Variants in CCSER1 observed in about 807,000 individuals in gnomAD.
The protein encoded by CCSER1 is serine-rich coiled-coil domain-containing protein 1.
Under a neutral mutation model 82.0 loss-of-function variants are expected in CCSER1, and 41 were observed. That is an observed-to-expected ratio of 0.50 (90% CI 0.39 to 0.65). CCSER1 has a LOEUF of 0.65. Among genes scored for constraint, CCSER1 ranks in the 30% least tolerant of loss-of-function variants. The pLI, the probability that CCSER1 is intolerant of heterozygous loss-of-function variation, is 0.00. For synonymous variants in CCSER1, 414 were observed against 383.9 expected, an observed-to-expected ratio of 1.08 and a Z score of -0.92; for missense variants, 1,119 against 1,064.2, an observed-to-expected ratio of 1.05 and a Z score of -0.72.
intron 6 of CCSER1, among the ~76,000 whole-genome samples, chr4:90,686,476 A>G (rs745515978): frequency 6.6e-6 from 1 of 151,772 alleles, no homozygotes; most frequent in Non-Finnish European, 1.5e-5. Context: ...TGCTTTATCT[A>G]TGGCTTGAGT....
chr4:91,060,382 A>G (rs993382966), intron 9 of CCSER1, among the ~76,000 whole-genome samples: 2 of 152,020 alleles, frequency 1.3e-5, no homozygotes, highest in Non-Finnish European at 2.9e-5. Context: ...ACATAATTAT[A>G]TTCTTTACCC....
At chr4:90,505,712 C>T (rs2153614052) in intron 5 of CCSER1, among the ~76,000 whole-genome samples, 1 of 152,226 alleles carries the variant, frequency 6.6e-6, no homozygotes, top group East Asian at 1.9e-4. Context: ...TTGTAAACTG[C>T]CTTGGCACTG....
At chr4:90,372,492 G>T (rs1747607531) in intron 3 of CCSER1, among the ~76,000 whole-genome samples, 1 of 152,120 alleles carries the variant, frequency 6.6e-6, no homozygotes, top group African/African-American at 2.4e-5. Flanking sequence ...GCTCAGGCCT[G>T]TAATCCCAGC....
intron 3 of CCSER1, among the ~76,000 whole-genome samples, chr4:90,395,539 T>C (rs1001752388): frequency 6.6e-5 from 10 of 152,180 alleles, no homozygotes; most frequent in African/African-American, 2.4e-4. Flanking sequence ...GTCAACTAGA[T>C]GACTGTTTGG....
chr4:91,571,456 A>G (rs1258577264), intron 10 of CCSER1, among the ~76,000 whole-genome samples: 1 of 152,190 alleles, frequency 6.6e-6, no homozygotes, highest in African/African-American at 2.4e-5. Flanking sequence ...ATTGACTTAC[A>G]GTTTTACATG....
intron 5 of CCSER1, among the ~76,000 whole-genome samples, chr4:90,496,578 G>A (rs1769035713): frequency 6.6e-6 from 1 of 152,114 alleles, no homozygotes; most frequent in Non-Finnish European, 1.5e-5. Flanking sequence ...TTGAATGAAT[G>A]TATTGTTTAT....
At chr4:90,556,775 CA>C (rs1778190854) in intron 5 of CCSER1, among the ~76,000 whole-genome samples, 2 of 151,436 alleles carry the variant, frequency 1.3e-5, no homozygotes, top group South Asian at 2.1e-4. Flanking sequence ...CTTGCTGTCT[CA>C]GGGGTGGCAG....
chr4:91,109,834 G>A (rs1196203168), intron 10 of CCSER1, among the ~76,000 whole-genome samples: 1 of 152,026 alleles, frequency 6.6e-6, no homozygotes, highest in Non-Finnish European at 1.5e-5. Flanking sequence ...GGAGCCCATG[G>A]TTTCACAAAG....
At chr4:91,174,467 T>A (rs1284448709) in intron 10 of CCSER1, among the ~76,000 whole-genome samples, 2 of 152,136 alleles carry the variant, frequency 1.3e-5, no homozygotes, top group Admixed American at 6.5e-5. Context: ...TATTTTACTA[T>A]AAGTTCTGGG....
Position 90,723,894 on chromosome 4 carries a change from C to G in CCSER1, c.1933-20C>G. 1 of 1,361,208 alleles carries G rather than the reference C, an allele frequency of 7.3e-7. No individual in the cohort carries two copies. Among genetic ancestry groups the G allele is most frequent in the Non-Finnish European group, 9.8e-7 (1 of 1,019,964 alleles). 84.3% of individuals were successfully genotyped at this position (1,361,208 alleles called of 1,614,324 possible). On this transcript the variant is annotated intron_variant, in intron 6 of 10. Coordinates refer to ENST00000509176, the MANE Select transcript of CCSER1 (RefSeq NM_001145065.2). ...ACTACAAAACAATCCTAATTAAATTCAATTTCACTGTCCTTGCAGAGTGCA... is the reference window on the plus strand; with the variant it reads ...ACTACAAAACAATCCTAATTAAATTGAATTTCACTGTCCTTGCAGAGTGCA...
chr4:90,276,254 C>CTTTG (rs1560929885), intron 1 of CCSER1, among the ~76,000 whole-genome samples: 137 of 75,660 alleles, frequency 1.8e-3, no homozygotes, highest in African/African-American at 7.2e-3. Context: ...TTCTTTCTTT[C>CTTTG]CTTCCTTCCT....
chr4:91,521,903 T>A (rs562896366), intron 10 of CCSER1, among the ~76,000 whole-genome samples: 1 of 152,316 alleles, frequency 6.6e-6, no homozygotes, highest in African/African-American at 2.4e-5. Flanking sequence ...CATTTGTTAA[T>A]TTTGGCTTTT....
intron 10 of CCSER1, among the ~76,000 whole-genome samples, chr4:91,411,507 T>TATATATATATATATATATATAC (rs1553934202): frequency 1.5e-5 from 1 of 67,300 alleles, no homozygotes; most frequent in African/African-American, 4.8e-5. Context: ...TATATATATA[T>TATATATATATATATATATATAC]ATATATATAT....
At chr4:91,030,575 A>T (rs1312420465) in intron 9 of CCSER1, among the ~76,000 whole-genome samples, 1 of 152,106 alleles carries the variant, frequency 6.6e-6, no homozygotes, top group Non-Finnish European at 1.5e-5. Context: ...TTCTGTGGAA[A>T]ATAAGTGACC....
intron 9 of CCSER1, among the ~76,000 whole-genome samples, chr4:91,048,943 G>C (rs924934994): frequency 6.6e-6 from 1 of 152,242 alleles, no homozygotes. Flanking sequence ...CAAGGGATTA[G>C]ATAAAAACTA....
chr4:90,994,188 ATG>A (rs57868915), intron 9 of CCSER1, among the ~76,000 whole-genome samples: 86,343 of 151,386 alleles, frequency 0.57, 24,894 homozygotes, highest in East Asian at 0.8. Flanking sequence ...CCTAAGCAAC[ATG>A]TAGAGATGGA....
chr4:90,337,047 A>G (rs2153501762), intron 3 of CCSER1, among the ~76,000 whole-genome samples: 2 of 152,320 alleles, frequency 1.3e-5, no homozygotes. Context: ...AGAACTTGCA[A>G]TCAGAATCAA....
intron 3 of CCSER1, among the ~76,000 whole-genome samples, chr4:90,379,514 C>T (rs897450284): frequency 6.6e-6 from 1 of 152,106 alleles, no homozygotes; most frequent in African/African-American, 2.4e-5. Flanking sequence ...GATTGCAATG[C>T]TTTCCCACAT....
At chr4:90,755,880 T>C (rs1749444447) in intron 7 of CCSER1, among the ~76,000 whole-genome samples, 1 of 152,198 alleles carries the variant, frequency 6.6e-6, no homozygotes, top group Non-Finnish European at 1.5e-5. Context: ...AAAGTATATT[T>C]CCTGTTTTAC....
Sources: gnomAD v4.1 joint callset for allele counts (sites outside exome capture counted in the v4.1 genomes callset) on GRCh38, gnomAD v4.1.1 for gene constraint, MANE v1.5 for transcripts, NCBI Gene and HGNC (gene_info 2026-07-23, HGNC 2026-07-21) for gene names.